Variants in RHOJ observed in about 807,000 individuals in gnomAD.
RHOJ encodes rho-related GTP-binding protein RhoJ.
In RHOJ, 11 loss-of-function variants were observed where a neutral mutation model predicts 23.4. That is an observed-to-expected ratio of 0.47 (90% CI 0.30 to 0.78). The LOEUF is 0.78. Ranked by LOEUF, RHOJ falls within the 30% of genes least tolerant of loss-of-function variation. The probability of loss-of-function intolerance (pLI) is 0.08; values close to 1 mark genes in which losing one functional copy is unlikely to be tolerated. For missense variants in RHOJ, 254 were observed against 273.4 expected (o/e 0.93, Z 0.50); for synonymous variants, 102 against 102.7 (o/e 0.99, Z 0.04).
chr14:63,276,676 C>T (rs1881727174), intron 2 of RHOJ, among the ~76,000 whole-genome samples: 1 of 152,186 alleles, frequency 6.6e-6, no homozygotes, highest in African/African-American at 2.4e-5. Flanking sequence ...AACGACTCAG[C>T]TGGAGGGCCA....
intron 3 of RHOJ, among the ~76,000 whole-genome samples, chr14:63,282,559 A>C (rs1881945111): frequency 6.6e-6 from 1 of 152,148 alleles, no homozygotes; most frequent in Non-Finnish European, 1.5e-5. Flanking sequence ...ATCTTGAGCA[A>C]ACCCTTTGAA....
chr14:63,207,619 T>C (rs1312766217), intron 1 of RHOJ, among the ~76,000 whole-genome samples: 5 of 152,208 alleles, frequency 3.3e-5, no homozygotes, highest in Admixed American at 3.3e-4. Context: ...GACTTTTTAC[T>C]AATAACTGCC....
intron 4 of RHOJ, among the ~76,000 whole-genome samples, chr14:63,285,554 T>TATCA (rs1365718875): frequency 3.3e-5 from 5 of 152,224 alleles, no homozygotes; most frequent in Non-Finnish European, 7.3e-5. Context: ...GACATTTTTA[T>TATCA]ATCATACACA....
chr14:63,256,486 C>T (rs1343201707), intron 1 of RHOJ, among the ~76,000 whole-genome samples: 1 of 152,082 alleles, frequency 6.6e-6, no homozygotes, highest in Non-Finnish European at 1.5e-5. Context: ...GATGCCAGAG[C>T]GACAGCAAAG....
At chr14:63,284,468 G>A (rs1882016600) in intron 4 of RHOJ, 6 of 532,744 alleles carry the variant, frequency 1.1e-5, no homozygotes, top group South Asian at 8.2e-5. Context: ...TTACAGATGA[G>A]GAAACAGTCT....
At chr14:63,237,607 T>G (rs1278213618) in intron 1 of RHOJ, among the ~76,000 whole-genome samples, 3 of 152,242 alleles carry the variant, frequency 2.0e-5, no homozygotes, top group African/African-American at 4.8e-5. Flanking sequence ...CTTGTTAAGT[T>G]TCAGTTTAAC....
At chr14:63,283,357 C>T in intron 4 of RHOJ, 141 bp downstream of exon 4, 1 of 718,186 alleles carries the variant, frequency 1.4e-6, no homozygotes, top group South Asian at 1.6e-5. Context: ...TATTCTCCCC[C>T]TCTGTTCTAG....
chr14:63,221,778 G>C (rs1894499353), intron 1 of RHOJ, among the ~76,000 whole-genome samples: 1 of 152,196 alleles, frequency 6.6e-6, no homozygotes, highest in Non-Finnish European at 1.5e-5. Flanking sequence ...GCGCAGCCTG[G>C]TGTTGTGGTG....
intron 1 of RHOJ, among the ~76,000 whole-genome samples, chr14:63,246,853 T>C (rs1894984480): frequency 6.6e-6 from 1 of 152,174 alleles, no homozygotes; most frequent in South Asian, 2.1e-4. Flanking sequence ...GCTAAATATA[T>C]TCCAGGTTCC....
intron 1 of RHOJ, among the ~76,000 whole-genome samples, chr14:63,223,940 C>A (rs146887015): frequency 6.6e-6 from 1 of 152,258 alleles, no homozygotes; most frequent in African/African-American, 2.4e-5. Flanking sequence ...CCACAGCTTG[C>A]AATCTCTCTC....
intron 1 of RHOJ, among the ~76,000 whole-genome samples, chr14:63,221,097 G>A (rs982825773): frequency 6.6e-6 from 1 of 152,106 alleles, no homozygotes; most frequent in Non-Finnish European, 1.5e-5. Context: ...GGGAGTCGAA[G>A]GCAGAGAGAT....
chr14:63,225,372 A>G (rs59780421), intron 1 of RHOJ, among the ~76,000 whole-genome samples: 5,233 of 152,286 alleles, frequency 0.034, 164 homozygotes, highest in African/African-American at 0.082. Flanking sequence ...TTGAAGAAAA[A>G]AGAAAACAAA....
intron 1 of RHOJ, among the ~76,000 whole-genome samples, chr14:63,248,463 A>T (rs368127076): frequency 3.4e-4 from 52 of 152,208 alleles, no homozygotes; most frequent in Non-Finnish European, 6.0e-4. Flanking sequence ...GCTCTTTTCC[A>T]TTTTAGCTCC....
At position 63,225,856 on chromosome 14, in the gene RHOJ, A is replaced by T. The variant is rs1391858883; in HGVS notation, c.178+20809A>T. 3.9e-5 allele frequency among the ~76,000 whole-genome samples: 6 copies of T among 152,328 alleles called. No homozygotes were observed. In the East Asian group the frequency reaches 1.2e-3, roughly 29 times the overall value. On this transcript the variant is annotated intron_variant, in intron 1 of 4. Coordinates refer to ENST00000316754, the MANE Select transcript of RHOJ (RefSeq NM_020663.5). ...ATAAAAGAGGTTCAGAAAAAAGATT[A>T]ATCTTGCAGGTATCAGAAACCTTCA...
intron 1 of RHOJ, among the ~76,000 whole-genome samples, chr14:63,261,480 G>C (rs1456687838): frequency 6.6e-6 from 1 of 151,532 alleles, no homozygotes; most frequent in East Asian, 1.9e-4. Context: ...CCAAGCTCTG[G>C]AGTGAAGTGC....
chr14:63,210,383 T>G (rs936970307), intron 1 of RHOJ, among the ~76,000 whole-genome samples: 1 of 152,232 alleles, frequency 6.6e-6, no homozygotes, highest in Non-Finnish European at 1.5e-5. Context: ...ACATACATTT[T>G]GGGTGCCTCA....
chr14:63,271,880 G>A (rs1337884956), intron 2 of RHOJ, among the ~76,000 whole-genome samples: 3 of 152,178 alleles, frequency 2.0e-5, no homozygotes, highest in Non-Finnish European at 4.4e-5. Flanking sequence ...TTACAGATGT[G>A]AGCCCAAGAG....
chr14:63,257,910 A>C (rs1214596555), intron 1 of RHOJ, among the ~76,000 whole-genome samples: 3 of 148,446 alleles, frequency 2.0e-5, no homozygotes, highest in Non-Finnish European at 3.0e-5. Context: ...GCACAACCTC[A>C]CTTTGCCTCT....
At chr14:63,241,195 C>T (rs570695255) in intron 1 of RHOJ, among the ~76,000 whole-genome samples, 6 of 152,274 alleles carry the variant, frequency 3.9e-5, no homozygotes, top group African/African-American at 4.8e-5. Flanking sequence ...TTGAAGTCTA[C>T]GTTTTTGTAA....
Sources: gnomAD v4.1 joint callset for allele counts (sites outside exome capture counted in the v4.1 genomes callset) on GRCh38, gnomAD v4.1.1 for gene constraint, MANE v1.5 for transcripts, NCBI Gene and HGNC (gene_info 2026-07-23, HGNC 2026-07-21) for gene names.